The following CSMD1 variants were observed in gnomAD, a reference collection of about 807,000 sequenced individuals.
The protein encoded by CSMD1 is CUB and sushi domain-containing protein 1.
CSMD1 carries 213 observed loss-of-function variants against 417.5 expected under a neutral mutation model. The observed-to-expected ratio is 0.51, with a 90% CI of 0.46 to 0.57. The LOEUF is 0.57. Ranked by LOEUF, CSMD1 falls within the 20% of genes least tolerant of loss-of-function variation. The pLI, the probability that CSMD1 is intolerant of heterozygous loss-of-function variation, is 0.00. For missense variants in CSMD1, 6,923 were observed against 4,529.7 expected (o/e 1.53, Z -15.17); for synonymous variants, 2,862 against 1,736.8 (o/e 1.65, Z -16.11).
intron 7 of CSMD1, among the ~76,000 whole-genome samples, chr8:3,630,770 G>A (rs1050825290): frequency 7.2e-5 from 11 of 152,118 alleles, no homozygotes; most frequent in Admixed American, 2.0e-4. Flanking sequence ...CACTCACCAT[G>A]GTGGCTAAAG....
At chr8:4,698,896 C>A (rs961123258) in intron 1 of CSMD1, among the ~76,000 whole-genome samples, 3 of 146,218 alleles carry the variant, frequency 2.1e-5, no homozygotes, top group Non-Finnish European at 4.4e-5. Context: ...CATGTGCATA[C>A]CCTCCCAACA....
At chr8:4,600,140 G>C (rs1471405235) in intron 2 of CSMD1, among the ~76,000 whole-genome samples, 2 of 152,152 alleles carry the variant, frequency 1.3e-5, no homozygotes, top group Admixed American at 6.5e-5. Context: ...TTATTGCCTA[G>C]CTGGGGCCAT....
rs186940330 is a variant in CSMD1, at chr8:3,341,275, C to T, written c.3631+2019G>A. Among the ~76,000 whole-genome samples the T allele has an allele frequency of 4.6e-5, 7 of 152,270 alleles. No individual in the cohort carries two copies. In the East Asian group the frequency reaches 1.2e-3, roughly 25 times the overall value. On this transcript the variant is annotated intron_variant, in intron 23 of 69. Transcript: ENST00000635120. ...ACGGCTCTGGAGCACATGGACCTTC[C>T]TAACTGCTACCTGGACAACAGAAGA...
Position 3,367,029 on chromosome 8 carries a change from T to G in CSMD1, c.3115+3A>C, listed in dbSNP as rs766657095. On this transcript the variant is annotated splice_donor_region_variant and intron_variant, in intron 20 of 69. Transcript: ENST00000635120. ...AGAGAAACAGCAAACAAGACCAACATACCTGAAAATGTGATATTGAAGCCC... is the reference window on the plus strand; with the variant it reads ...AGAGAAACAGCAAACAAGACCAACAGACCTGAAAATGTGATATTGAAGCCC... The G allele has an allele frequency of 6.2e-7, 1 of 1,609,888 alleles. No individual in the cohort carries two copies. The highest frequency in any genetic ancestry group is 8.5e-7 in the Non-Finnish European group (1 of 1,176,738).
At chr8:4,321,106 C>T (rs1368667921) in intron 3 of CSMD1, among the ~76,000 whole-genome samples, 1 of 152,088 alleles carries the variant, frequency 6.6e-6, no homozygotes, top group Non-Finnish European at 1.5e-5. Flanking sequence ...TTTGTCTAGA[C>T]TCTAGTCTAA....
intron 25 of CSMD1, among the ~76,000 whole-genome samples, chr8:3,300,930 G>T (rs1257769604): frequency 8.3e-6 from 1 of 119,966 alleles, no homozygotes; most frequent in Non-Finnish European, 1.6e-5. Flanking sequence ...CCGCACTCCA[G>T]CCTGGACAAC....
At chr8:3,025,581 C>T (rs754634046) in intron 51 of CSMD1, among the ~76,000 whole-genome samples, 4 of 152,224 alleles carry the variant, frequency 2.6e-5, no homozygotes, top group Non-Finnish European at 4.4e-5. Flanking sequence ...TAGCGGTCAA[C>T]AAGCATCTCC....
intron 12 of CSMD1, among the ~76,000 whole-genome samples, chr8:3,432,923 A>C (rs959133432): frequency 6.6e-6 from 1 of 152,200 alleles, no homozygotes. Context: ...ATTTCTTCTA[A>C]TCATTGAAGA....
intron 8 of CSMD1, among the ~76,000 whole-genome samples, chr8:3,597,724 A>T (rs941491787): frequency 2.4e-4 from 37 of 152,098 alleles, no homozygotes; most frequent in African/African-American, 8.2e-4. Context: ...TTCTCAGCAA[A>T]GTAACACAAG....
intron 1 of CSMD1, among the ~76,000 whole-genome samples, chr8:4,842,082 T>C (rs1466381175): frequency 2.6e-5 from 4 of 152,150 alleles, no homozygotes. Flanking sequence ...ACGTCACCTA[T>C]GTGTACCATT....
chr8:4,174,454 T>A (rs1220439674), intron 3 of CSMD1, among the ~76,000 whole-genome samples: 1 of 151,880 alleles, frequency 6.6e-6, no homozygotes, highest in Non-Finnish European at 1.5e-5. Flanking sequence ...GTTTTTCTAT[T>A]GTTTAAATAA....
intron 26 of CSMD1, among the ~76,000 whole-genome samples, chr8:3,260,044 C>T (rs2117083214): frequency 6.6e-6 from 1 of 152,226 alleles, no homozygotes; most frequent in Non-Finnish European, 1.5e-5. Flanking sequence ...GTTTGCTCCT[C>T]CCCGGTACAG....
chr8:4,723,801 C>CAAAAAAAAAAAAAAAAAAAAA (rs1160845027), intron 1 of CSMD1, among the ~76,000 whole-genome samples: 1 of 98,040 alleles, frequency 1.0e-5, no homozygotes, highest in Non-Finnish European at 2.2e-5. Context: ...AAAAAAAAAA[C>CAAAAAAAAAAAAAAAAAAAAA]AAAAAAAAAA....
At chr8:4,475,637 G>C (rs571936637) in intron 2 of CSMD1, among the ~76,000 whole-genome samples, 5 of 151,754 alleles carry the variant, frequency 3.3e-5, no homozygotes, top group African/African-American at 1.2e-4. Flanking sequence ...TTTTCTTCGA[G>C]ACGGAGTCGC....
intron 7 of CSMD1, among the ~76,000 whole-genome samples, chr8:3,666,692 T>C (rs929811842): frequency 8.5e-5 from 13 of 152,174 alleles, no homozygotes; most frequent in South Asian, 2.1e-4. Flanking sequence ...ATAAGTCTCA[T>C]GCAATCTGAT....
intron 3 of CSMD1, among the ~76,000 whole-genome samples, chr8:4,232,226 C>T (rs10105492): frequency 0.43 from 65,279 of 151,978 alleles, 15,633 homozygotes; most frequent in Non-Finnish European, 0.55. Flanking sequence ...GACAGAGTCT[C>T]GCTCTGTCAG....
intron 10 of CSMD1, among the ~76,000 whole-genome samples, chr8:3,559,839 C>T (rs1452694346): frequency 6.6e-6 from 1 of 152,002 alleles, no homozygotes; most frequent in African/African-American, 2.4e-5. Flanking sequence ...AAACATATGG[C>T]AAGACTACTA....
intron 37 of CSMD1, among the ~76,000 whole-genome samples, chr8:3,163,982 C>T (rs1158195978): frequency 6.6e-6 from 1 of 152,248 alleles, no homozygotes; most frequent in East Asian, 1.9e-4. Context: ...ACTTCCTCCA[C>T]TGCCTGGATG....
intron 5 of CSMD1, among the ~76,000 whole-genome samples, chr8:3,764,201 T>A (rs192412821): frequency 1.3e-5 from 2 of 152,244 alleles, no homozygotes; most frequent in Non-Finnish European, 1.5e-5. Context: ...ACGCATTAGG[T>A]CACTAAGTCA....
Sources: gnomAD v4.1 joint callset for allele counts (sites outside exome capture counted in the v4.1 genomes callset) on GRCh38, gnomAD v4.1.1 for gene constraint, MANE v1.5 for transcripts, NCBI Gene and HGNC (gene_info 2026-07-23, HGNC 2026-07-21) for gene names.